TATDN2: variants seen among roughly 807,000 people sequenced by gnomAD.
The protein encoded by TATDN2 is TatD DNase domain containing 2.
A neutral mutation model predicts 60.3 loss-of-function variants in TATDN2; 44 were observed. The ratio of observed to expected loss-of-function variants is 0.73; its 90% CI spans 0.57 to 0.94. TATDN2 has a LOEUF of 0.94. TATDN2 is among the 40% of genes least tolerant of loss of function. The pLI is 0.00. For synonymous variants in TATDN2, 399 were observed against 355.8 expected (o/e 1.12, Z -1.37); for missense variants, 997 against 948.0 (o/e 1.05, Z -0.68).
rs951823618 is a variant in TATDN2 at position 10,249,050 on chromosome 3, T to C, written c.-24T>C. 1.2e-6 allele frequency: 1 copy of C among 868,770 alleles called. No individual in the cohort carries two copies. Among genetic ancestry groups the C allele is most frequent in the Non-Finnish European group, 1.6e-6 (1 of 621,674 alleles). 53.8% of individuals were successfully genotyped at this position (868,770 alleles called of 1,614,324 possible). On this transcript the variant is annotated 5_prime_UTR_variant, in exon 1 of 8. Coordinates refer to ENST00000448281, the MANE Select transcript of TATDN2 (RefSeq NM_014760.4). ...AAACCTTGAGAACTGTGATGGGCAGTGGAAAGAAGAGGGAAAGGTCAGTGA... is the reference window on the plus strand; with the variant it reads ...AAACCTTGAGAACTGTGATGGGCAGCGGAAAGAAGAGGGAAAGGTCAGTGA...
At position 10,276,392 on chromosome 3, in the gene TATDN2, C is replaced by T. The variant is rs1228142478; in HGVS notation, c.1865C>T (p.Ser622Phe). ...VFERQLQLAV[S>F]LKKPLVIHCR... The stretch of plus-strand genomic sequence containing the variant: ...GAGAGACAGCTGCAGCTGGCTGTGT[C>T]TCTAAAGAAGCCCTTGGTGATCCAC... The change falls in exon 5 of 8, where the codon TCT becomes TTT. Residue 622 changes from serine to phenylalanine, a missense_variant. Coordinates refer to ENST00000448281, the MANE Select transcript of TATDN2 (RefSeq NM_014760.4). 1 of 1,614,014 alleles carries T rather than the reference C, an allele frequency of 6.2e-7. No homozygotes were observed. Among genetic ancestry groups the T allele is most frequent in the South Asian group, 1.1e-5 (1 of 91,078 alleles).
At chr3:10,267,920 C>G (rs1698501463) in intron 3 of TATDN2, among the ~76,000 whole-genome samples, 1 of 152,058 alleles carries the variant, frequency 6.6e-6, no homozygotes, top group Non-Finnish European at 1.5e-5. Context: ...AACACAAAAG[C>G]CTTGTCAAAC....
chr3:10,268,360 A>G (rs971977718), intron 3 of TATDN2, among the ~76,000 whole-genome samples: 2 of 152,240 alleles, frequency 1.3e-5, no homozygotes, highest in Non-Finnish European at 2.9e-5. Flanking sequence ...TTAATCAGGT[A>G]ATTCAGCTAG....
In TATDN2 at chr3:10,249,531, T is replaced by C; in HGVS notation, c.331T>C (p.Ser111Pro). Residue 111 changes from serine to proline, a missense_variant, in exon 2 of 8, where the codon TCT becomes CCT. Transcript: ENST00000448281. ...CLIRNTRGFLSSGGSPLRPAN... is the reference protein window; with the variant it reads ...CLIRNTRGFLPSGGSPLRPAN... Reference sequence around the variant, plus strand: ...GATTCGGAACACTCGGGGGTTCCTGTCTTCAGGGGGATCCCCTCTGCGTCC... The same window carrying C: ...GATTCGGAACACTCGGGGGTTCCTGCCTTCAGGGGGATCCCCTCTGCGTCC... 1.3e-6 allele frequency: 2 copies of C among 1,598,726 alleles called. No individual in the cohort carries two copies. Among genetic ancestry groups the C allele is most frequent in the Non-Finnish European group, 1.7e-6 (2 of 1,172,924 alleles).
Position 10,278,731 on chromosome 3 carries a change from C to T in TATDN2, c.2146-154C>T. On this transcript the variant is annotated intron_variant, in intron 6 of 7. Coordinates refer to ENST00000448281, the MANE Select transcript of TATDN2 (RefSeq NM_014760.4). The surrounding 1 kb of genome is among the most constrained non-coding windows in gnomAD (Gnocchi z 4.7). ...GTGGGACCCTGCTCACCCAGAGCCC[C>T]CATGACTAGGACTCTCCCTGCACCT... 2 of 1,226,684 alleles carry T rather than the reference C, an allele frequency of 1.6e-6. No individual in the cohort carries two copies. Among genetic ancestry groups the T allele is most frequent in the Middle Eastern group, 3.7e-4 (2 of 5,388 alleles). The allele number at this position is 1,226,684 out of a possible 1,614,324, so 76.0% of individuals were successfully genotyped here. A position where few individuals can be genotyped will look rare whatever the true frequency, so the allele number is the denominator to read the frequency against.
Position 10,260,125 on chromosome 3 carries a change from T to C in TATDN2, c.415-12T>C. The C allele has an allele frequency of 6.3e-7, 1 of 1,591,102 alleles. No homozygotes were observed. The highest frequency in any genetic ancestry group is 8.5e-7 in the Non-Finnish European group (1 of 1,172,232). ...TGGAACAGCCCTTTCAATTCTGTTT[T>C]TTTTTTCCCAGGTTGATTCCAAAGA... On this transcript the variant is annotated splice_polypyrimidine_tract_variant and intron_variant, in intron 2 of 7. Transcript: ENST00000448281.
At chr3:10,256,537 G>A (rs1176907024) in intron 2 of TATDN2, among the ~76,000 whole-genome samples, 1 of 152,060 alleles carries the variant, frequency 6.6e-6, no homozygotes, top group Non-Finnish European at 1.5e-5. Flanking sequence ...CTGGCACAGA[G>A]TAAGTGCTTA....
At position 10,248,640 on chromosome 3, in the gene TATDN2, G is replaced by T. The variant is rs1344454029; in HGVS notation, c.-434G>T. ...GGGGCGTCCTGAGTTGGCGGTCGAG[G>T]GCGCTGCCAGCTCCCGAGGGGCCGC... On this transcript the variant is annotated 5_prime_UTR_variant, in exon 1 of 8. Coordinates refer to ENST00000448281, the MANE Select transcript of TATDN2 (RefSeq NM_014760.4). The T allele has an allele frequency of 6.6e-6, 1 of 151,862 alleles. No homozygotes were observed. Among genetic ancestry groups the T allele is most frequent in the African/African-American group, 2.4e-5 (1 of 41,366 alleles). The allele number at this position is 151,862 out of a possible 1,614,324, so 9.4% of individuals were successfully genotyped here. A position where few individuals can be genotyped will look rare whatever the true frequency, so the allele number is the denominator to read the frequency against.
chr3:10,256,095 C>A (rs1468872405), intron 2 of TATDN2, among the ~76,000 whole-genome samples: 1 of 152,178 alleles, frequency 6.6e-6, no homozygotes, highest in East Asian at 1.9e-4. Flanking sequence ...TCTTACCTTT[C>A]TCCTGGTTTT....
intron 3 of TATDN2, among the ~76,000 whole-genome samples, chr3:10,269,034 C>T (rs796434028): frequency 7.2e-5 from 11 of 152,254 alleles, no homozygotes; most frequent in African/African-American, 1.9e-4. Flanking sequence ...CAGATTTTGG[C>T]GAGGGCTGTC....
chr3:10,248,977 G>C lies in TATDN2; in HGVS notation c.-97G>C, dbSNP rs1014499545. 2.2e-6 allele frequency: 1 copy of C among 456,490 alleles called. No individual in the cohort carries two copies. The highest frequency in any genetic ancestry group is 2.0e-5 in the African/African-American group (1 of 49,588). 28.3% of individuals were successfully genotyped at this position (456,490 alleles called of 1,614,324 possible). On this transcript the variant is annotated 5_prime_UTR_variant, in exon 1 of 8. Coordinates refer to ENST00000448281, the MANE Select transcript of TATDN2 (RefSeq NM_014760.4). The stretch of plus-strand genomic sequence containing the variant: ...GCTTGGAAACCGACGGCAGCCTTTA[G>C]TCAATTTTGGATCGCTTTGACTTCT...
intron 4 of TATDN2, among the ~76,000 whole-genome samples, chr3:10,276,051 A>T (rs1698631993): frequency 6.6e-6 from 1 of 152,194 alleles, no homozygotes; most frequent in African/African-American, 2.4e-5. Context: ...ACTGTGTGGA[A>T]TGCCAGGGTT....
At chr3:10,266,528 C>T (rs1419636263) in intron 3 of TATDN2, among the ~76,000 whole-genome samples, 2 of 152,196 alleles carry the variant, frequency 1.3e-5, no homozygotes, top group Non-Finnish European at 2.9e-5. Flanking sequence ...CTCTTTGAAC[C>T]CCAGTTTCTT....
chr3:10,251,535 G>A (rs527245484), intron 2 of TATDN2, among the ~76,000 whole-genome samples: 2 of 151,864 alleles, frequency 1.3e-5, no homozygotes, highest in Non-Finnish European at 2.9e-5. Context: ...ACAGGTGTGC[G>A]CTACCGTGCC....
Position 10,280,813 on chromosome 3 carries a change from G to A in TATDN2, c.*1631G>A, listed in dbSNP as rs1576021350. The A allele has an allele frequency of 5.2e-5, 8 of 153,918 alleles. No individual in the cohort carries two copies. The allele number at this position is 153,918 out of a possible 1,614,324, so 9.5% of individuals were successfully genotyped here. A position where few individuals can be genotyped will look rare whatever the true frequency, so the allele number is the denominator to read the frequency against. Reference sequence around the variant, plus strand: ...GATTTCCTGCTTGGAAGACTTGGGGGACTGCCGAGCATATCAAAGTGTTTA... The same window carrying A: ...GATTTCCTGCTTGGAAGACTTGGGGAACTGCCGAGCATATCAAAGTGTTTA... On this transcript the variant is annotated 3_prime_UTR_variant, in exon 8 of 8. Coordinates refer to ENST00000448281, the MANE Select transcript of TATDN2 (RefSeq NM_014760.4).
intron 2 of TATDN2, among the ~76,000 whole-genome samples, chr3:10,254,492 G>A (rs967070362): frequency 1.3e-5 from 2 of 152,222 alleles, no homozygotes; most frequent in African/African-American, 4.8e-5. Flanking sequence ...TTGGAGGAAG[G>A]CAGGAGATGA....
chr3:10,277,816 A>G (rs1306883156), intron 5 of TATDN2, among the ~76,000 whole-genome samples: 1 of 152,224 alleles, frequency 6.6e-6, no homozygotes, highest in African/African-American at 2.4e-5. Flanking sequence ...AACTATATAT[A>G]TGGCACCAAG....
chr3:10,278,939 C>T lies in TATDN2; in HGVS notation c.2200C>T (p.Arg734Ter), dbSNP rs774219808. ...AHPGLALHTV[R>*]EIARVKDQPL... ...CCCGGGCCTGGCCTTGCATACGGTC[C>T]GAGAGATTGCCAGAGTCAAAGATCA... Residue 734 changes from arginine to a stop codon, truncating the protein, a stop_gained, in exon 7 of 8, where the codon CGA (arginine) becomes TGA (stop). Coordinates refer to ENST00000448281, the MANE Select transcript of TATDN2 (RefSeq NM_014760.4). LOFTEE classifies it high-confidence loss of function. The surrounding 1 kb of genome is among the most constrained non-coding windows in gnomAD (Gnocchi z 4.7). The T allele has an allele frequency of 8.7e-6, 14 of 1,613,558 alleles. No individual in the cohort carries two copies. Among genetic ancestry groups the T allele is most frequent in the South Asian group, 2.2e-5 (2 of 90,956 alleles).
intron 4 of TATDN2, among the ~76,000 whole-genome samples, chr3:10,272,638 C>T (rs1462565265): frequency 6.6e-6 from 1 of 152,150 alleles, no homozygotes; most frequent in Non-Finnish European, 1.5e-5. Context: ...ACCTGTAATC[C>T]CAGTATTTTG....
Sources: allele counts gnomAD v4.1 joint callset (sites outside exome capture counted in the v4.1 genomes callset), GRCh38; gene constraint gnomAD v4.1.1; non-coding constraint Gnocchi (gnomAD v3.1); transcripts MANE v1.5; gene names NCBI Gene and HGNC (gene_info 2026-07-23, HGNC 2026-07-21).